The following PCDHGA4 variants were observed in gnomAD, a reference collection of about 807,000 sequenced individuals.
The protein encoded by PCDHGA4 is protocadherin gamma subfamily A, 4.
PCDHGA4 carries 38 observed loss-of-function variants against 54.6 expected under a neutral mutation model. The observed-to-expected ratio is 0.70, with a 90% CI of 0.54 to 0.91. The LOEUF (loss-of-function observed/expected upper bound fraction) is 0.91, where lower values mean the gene tolerates loss of function less well. Among genes scored for constraint, PCDHGA4 ranks in the 40% least tolerant of loss-of-function variants. PCDHGA4 has a pLI of 0.00. For synonymous variants in PCDHGA4, 511 were observed against 512.9 expected (o/e 1.00, Z 0.05); for missense variants, 1,298 against 1,220.9 (o/e 1.06, Z -0.94).
chr5:141,420,075 G>A (rs893749179), intron 1 of PCDHGA4: 17 of 1,613,944 alleles, frequency 1.1e-5, no homozygotes, highest in Admixed American at 6.7e-5. Context: ...GGACCTGTGG[G>A]TCCCCCCAAC....
rs771088007 is a variant in PCDHGA4, at chr5:141,423,000, G to A, written c.2514+65379G>A. On this transcript the variant is annotated intron_variant, in intron 1 of 3. Transcript: ENST00000571252. ...CGGAACCTGGCTACCTGGTGACCAA[G>A]GTGGTTGCGGTGGACAAAGATTCAG... The A allele has an allele frequency of 9.3e-6, 15 of 1,614,116 alleles. No homozygotes were observed. The African/African-American group carries it at 1.9e-4, about 20-fold the overall frequency.
intron 1 of PCDHGA4, among the ~76,000 whole-genome samples, chr5:141,455,830 C>T (rs928219545): frequency 2.0e-5 from 3 of 151,170 alleles, no homozygotes; most frequent in African/African-American, 7.3e-5. Flanking sequence ...GACCCCTTTT[C>T]CTGTCTATCT....
At chr5:141,405,498 C>T in intron 1 of PCDHGA4, 2 of 784,948 alleles carry the variant, frequency 2.5e-6, no homozygotes, top group Admixed American at 2.7e-5. Flanking sequence ...CGGCTCATTG[C>T]AACCTCCGCC....
chr5:141,361,065 G>A, intron 1 of PCDHGA4: 1 of 1,613,892 alleles, frequency 6.2e-7, no homozygotes, highest in Non-Finnish European at 8.5e-7. Flanking sequence ...TGGATTTTGA[G>A]ATTGCAAGTA....
intron 1 of PCDHGA4, among the ~76,000 whole-genome samples, chr5:141,372,994 C>T (rs1769242152): frequency 6.6e-6 from 1 of 152,146 alleles, no homozygotes; most frequent in South Asian, 2.1e-4. Flanking sequence ...TGCAGTTGTT[C>T]TTTCATAGAA....
At chr5:141,414,533 C>A in intron 1 of PCDHGA4, 1 of 1,613,960 alleles carries the variant, frequency 6.2e-7, no homozygotes, top group Non-Finnish European at 8.5e-7. Context: ...AATGACAACC[C>A]ACCTACCTTC....
chr5:141,393,720 A>G (rs371093729), intron 1 of PCDHGA4: 2 of 1,613,770 alleles, frequency 1.2e-6, no homozygotes, highest in African/African-American at 1.3e-5. Context: ...GGAAATATCA[A>G]TAGCAAAAAG....
chr5:141,376,152 C>T, intron 1 of PCDHGA4: 2 of 1,614,026 alleles, frequency 1.2e-6, no homozygotes, highest in Non-Finnish European at 1.7e-6. Context: ...TCGGACCTCA[C>T]TCTGTACCTG....
At chr5:141,401,721 C>T (rs2094186897) in intron 1 of PCDHGA4, among the ~76,000 whole-genome samples, 1 of 152,142 alleles carries the variant, frequency 6.6e-6, no homozygotes, top group Non-Finnish European at 1.5e-5. Flanking sequence ...AAGACAAAAA[C>T]TACTAGTCTT....
At chr5:141,415,589 T>A in intron 1 of PCDHGA4, 1 of 1,614,062 alleles carries the variant, frequency 6.2e-7, no homozygotes, top group East Asian at 2.2e-5. Flanking sequence ...AAGTTTCCTA[T>A]AGAGGATACC....
Position 141,432,400 on chromosome 5 carries a change from G to C in PCDHGA4, c.2515-62407G>C, listed in dbSNP as rs139153105. ...ACCCGCCCCTCAGCAGCAACGTGTC[G>C]TTGAGCCTGTTCGTGCTGGACCAGA... is the stretch of plus-strand genomic sequence containing the variant. On this transcript the variant is annotated intron_variant, in intron 1 of 3. Coordinates refer to ENST00000571252, the MANE Select transcript of PCDHGA4 (RefSeq NM_018917.4). This position sits in a 1 kb window ranked among gnomAD's most constrained non-coding sequence, Gnocchi z 6.0. 1.2e-6 allele frequency: 2 copies of C among 1,614,240 alleles called. No individual in the cohort carries two copies. Among genetic ancestry groups the C allele is most frequent in the South Asian group, 2.2e-5 (2 of 91,090 alleles).
At chr5:141,480,511 A>G (rs2099520888) in intron 1 of PCDHGA4, among the ~76,000 whole-genome samples, 1 of 127,378 alleles carries the variant, frequency 7.9e-6, no homozygotes, top group African/African-American at 3.6e-5. Context: ...ATATGAGAAC[A>G]ACCAAAAATG....
At chr5:141,433,662 C>T (rs1377052782) in intron 1 of PCDHGA4, among the ~76,000 whole-genome samples, 1 of 151,950 alleles carries the variant, frequency 6.6e-6, no homozygotes, top group Non-Finnish European at 1.5e-5. Context: ...ATGGAGAAAC[C>T]CCGTCTATAC....
At chr5:141,421,854 C>T (rs1402137870) in intron 1 of PCDHGA4, 9 of 1,613,644 alleles carry the variant, frequency 5.6e-6, no homozygotes. Flanking sequence ...AGGCTGCTCA[C>T]CTGCTCCTCC....
At chr5:141,427,492 T>C (rs894605769) in intron 1 of PCDHGA4, 1 of 555,624 alleles carries the variant, frequency 1.8e-6, no homozygotes, top group Non-Finnish European at 3.4e-6. Context: ...TATAAGCTTG[T>C]AACAGATGGG....
chr5:141,491,571 C>CT lies in PCDHGA4; in HGVS notation c.2515-3232dup. On this transcript the variant is annotated intron_variant, in intron 1 of 3. Coordinates refer to ENST00000571252, the MANE Select transcript of PCDHGA4 (RefSeq NM_018917.4). The surrounding 1 kb of genome is among the most constrained non-coding windows in gnomAD (Gnocchi z 6.9). ...CGCAGAGCCACTGCTACAGGACGTG[C>CT]TTTTCACCGGCCTCGGACGGCAGTG... 6.2e-7 allele frequency: 1 copy of CT among 1,614,026 alleles called. No homozygotes were observed. Among genetic ancestry groups the CT allele is most frequent in the Non-Finnish European group, 8.5e-7 (1 of 1,180,042 alleles).
At chr5:141,376,685 T>TTTTGTTTTG (rs945381584) in intron 1 of PCDHGA4, 1 of 813,646 alleles carries the variant, frequency 1.2e-6, no homozygotes, top group African/African-American at 1.9e-5. Flanking sequence ...CGTTTTTTTT[T>TTTTGTTTTG]TTTTTTTTTT....
At position 141,357,431 on chromosome 5, in the gene PCDHGA4, A is replaced by T; in HGVS notation, c.2324A>T (p.Asp775Val). The T allele has an allele frequency of 6.2e-7, 1 of 1,614,198 alleles. No individual in the cohort carries two copies. Among genetic ancestry groups the T allele is most frequent in the Non-Finnish European group, 8.5e-7 (1 of 1,180,042 alleles). The change falls in exon 1 of 4, where the codon GAC becomes GTC. Residue 775 changes from aspartate (D) to valine (V), a missense_variant. By Grantham distance (152) the Asp-to-Val change is radical. Transcript: ENST00000571252. ...CCTGCCTCGCACTTTGTGGGCGTGGACGGGGTTCGGGCTTTCCTGCAGACC... is the reference window on the plus strand; with the variant it reads ...CCTGCCTCGCACTTTGTGGGCGTGGTCGGGGTTCGGGCTTTCCTGCAGACC... The part of the protein sequence containing the change: ...GVPASHFVGV[D>V]GVRAFLQTYS...
intron 1 of PCDHGA4, chr5:141,372,738 T>C: frequency 6.2e-7 from 1 of 1,613,740 alleles, no homozygotes; most frequent in Non-Finnish European, 8.5e-7. Flanking sequence ...AGATCTTCTA[T>C]GTGATGAAGC....
Sources: gnomAD v4.1 joint callset for allele counts (sites outside exome capture counted in the v4.1 genomes callset) on GRCh38, gnomAD v4.1.1 for gene constraint, Gnocchi (gnomAD v3.1) non-coding constraint, MANE v1.5 for transcripts, NCBI Gene and HGNC (gene_info 2026-07-23, HGNC 2026-07-21) for gene names.